Variants in STPG1 observed in about 807,000 individuals in gnomAD.
The protein encoded by STPG1 is sperm tail PG-rich repeat containing 1, also known as O(6)-methylguanine-induced apoptosis 2.
Under a neutral mutation model 40.1 loss-of-function variants are expected in STPG1, and 33 were observed. The ratio of observed to expected loss-of-function variants is 0.82; its 90% CI spans 0.62 to 1.10. The LOEUF (loss-of-function observed/expected upper bound fraction) is 1.10, where lower values mean the gene tolerates loss of function less well. Among genes scored for constraint, STPG1 ranks in the 50% least tolerant of loss-of-function variants. The pLI, the probability that STPG1 is intolerant of heterozygous loss-of-function variation, is 0.00. For synonymous variants in STPG1, 150 were observed against 155.0 expected (o/e 0.97, Z 0.24); for missense variants, 396 against 415.1 (o/e 0.95, Z 0.40).
chr1:24,369,720 A>G lies in STPG1; in HGVS notation c.691T>C (p.Tyr231His). The change falls in exon 7 of 9, where the codon TAC (tyrosine) becomes CAC (histidine). Residue 231 changes from tyrosine to histidine, a missense_variant. Transcript: ENST00000337248. ...LTSTGPGPGY[Y>H]NPSDCTKVPK... is the part of the protein sequence containing the mutation. ...ACTTTTGTGCAATCACTGGGGTTGT[A>G]ATAACCAGGTCCCGGGCCTGTTGAC... 1 of 1,610,850 alleles carries G rather than the reference A, an allele frequency of 6.2e-7. No homozygotes were observed. The highest frequency in any genetic ancestry group is 8.5e-7 in the Non-Finnish European group (1 of 1,177,634).
intron 2 of STPG1, among the ~76,000 whole-genome samples, chr1:24,392,492 C>T (rs1429066383): frequency 6.6e-6 from 1 of 152,190 alleles, no homozygotes; most frequent in East Asian, 1.9e-4. Context: ...GATGAGAAAG[C>T]CCAGAGCTCC....
rs1407847302 is a variant in STPG1 at position 24,378,633 on chromosome 1, A to C, written c.462+1020T>G. Reference sequence around the variant, plus strand: ...AGAGCAAGACTCCGTCTCAAAAAAAAGCTTGAATCCATCATAGAAGGTGGG... The same window carrying C: ...AGAGCAAGACTCCGTCTCAAAAAAACGCTTGAATCCATCATAGAAGGTGGG... On this transcript the variant is annotated intron_variant, in intron 5 of 8. Transcript: ENST00000337248. Among the ~76,000 whole-genome samples, 3 of 152,268 alleles carry C rather than the reference A, an allele frequency of 2.0e-5. 1 individual carries two copies. Among genetic ancestry groups the C allele is most frequent in the Non-Finnish European group, 4.4e-5 (3 of 68,048 alleles).
intron 6 of STPG1, among the ~76,000 whole-genome samples, chr1:24,370,147 T>C (rs1446028226): frequency 6.6e-6 from 1 of 152,200 alleles, no homozygotes; most frequent in Non-Finnish European, 1.5e-5. Flanking sequence ...GACATTCATC[T>C]AACCAGGGAC....
chr1:24,372,812 G>A (rs1420611823), intron 6 of STPG1, among the ~76,000 whole-genome samples: 1 of 152,160 alleles, frequency 6.6e-6, no homozygotes, highest in East Asian at 1.9e-4. Context: ...CTGCTTCTGG[G>A]GCCCAAGGTT....
chr1:24,378,891 C>T (rs1642154499), intron 5 of STPG1, among the ~76,000 whole-genome samples: 1 of 152,194 alleles, frequency 6.6e-6, no homozygotes. Flanking sequence ...CTGTGACTTA[C>T]TTACTTGCTT....
At position 24,360,962 on chromosome 1, in the gene STPG1, C is replaced by T; in HGVS notation, c.817G>A (p.Glu273Lys). 1 of 1,614,086 alleles carries T rather than the reference C, an allele frequency of 6.2e-7. No homozygotes were observed. Among genetic ancestry groups the T allele is most frequent in the Non-Finnish European group, 8.5e-7 (1 of 1,179,988 alleles). ...CGGGGGCCTAAGTAGTCCACGATCT[C>T]ATACTGACCAGGACCTGGGAAAGGT... is the stretch of plus-strand genomic sequence containing the variant. ...KPPFPGPGQY[E>K]IVDYLGPRKH... The change falls in exon 8 of 9, where the codon GAG becomes AAG. Residue 273 changes from glutamate (E) to lysine (K), a missense_variant. Transcript: ENST00000337248.
chr1:24,411,923 GT>G (rs1047241676), intron 1 of STPG1: 21 of 152,006 alleles, frequency 1.4e-4, no homozygotes, highest in African/African-American at 3.9e-4. Context: ...TTGCTAGAAA[GT>G]TCCTTCCTGT....
chr1:24,381,897 G>A (rs1027337133), intron 4 of STPG1, among the ~76,000 whole-genome samples: 3 of 152,232 alleles, frequency 2.0e-5, no homozygotes, highest in African/African-American at 7.2e-5. Context: ...ACACGGGAAT[G>A]AGGTAAAACG....
chr1:24,400,215 C>A (rs1643166939), intron 2 of STPG1, among the ~76,000 whole-genome samples: 1 of 152,026 alleles, frequency 6.6e-6, no homozygotes. Context: ...TAAGACAAAC[C>A]AACATGAAGT....
chr1:24,382,152 T>C (rs1285520071), intron 4 of STPG1, among the ~76,000 whole-genome samples: 1 of 152,170 alleles, frequency 6.6e-6, no homozygotes, highest in Non-Finnish European at 1.5e-5. Flanking sequence ...TTGGGCCCCT[T>C]CTCCTCCAGA....
chr1:24,371,665 C>T (rs1176865295), intron 6 of STPG1, among the ~76,000 whole-genome samples: 1 of 151,804 alleles, frequency 6.6e-6, no homozygotes, highest in Non-Finnish European at 1.5e-5. Context: ...ATTTACAATA[C>T]TGGATAACTA....
At chr1:24,389,202 T>G (rs1243776008) in intron 3 of STPG1, among the ~76,000 whole-genome samples, 1 of 152,156 alleles carries the variant, frequency 6.6e-6, no homozygotes, top group Non-Finnish European at 1.5e-5. Context: ...AATCATCTTT[T>G]AAAACACTAA....
In STPG1 at chr1:24,369,764, T is replaced by A. The variant is rs1212401997; in HGVS notation, c.647A>T (p.Asn216Ile). ...TGTTGACGTCAGTTTTAATCCACGG[T>A]TGGTTTTTGATTTAAAACAAGACAT... ...TLMSCFKSKT[N>I]RGLKLTSTGP... Residue 216 changes from asparagine (N) to isoleucine (I), a missense_variant, in exon 7 of 9, where the codon AAC becomes ATC. Coordinates refer to ENST00000337248, the MANE Select transcript of STPG1 (RefSeq NM_001199013.2). The A allele has an allele frequency of 6.2e-7, 1 of 1,613,430 alleles. No individual in the cohort carries two copies. The highest frequency in any genetic ancestry group is 8.5e-7 in the Non-Finnish European group (1 of 1,179,410).
At chr1:24,364,348 C>A (rs1641316228) in intron 7 of STPG1, 1 of 1,546,280 alleles carries the variant, frequency 6.5e-7, no homozygotes, top group East Asian at 2.5e-5. Context: ...CAACAGCCTG[C>A]ACTTCACTGT....
chr1:24,411,799 G>A (rs1400104968), intron 1 of STPG1: 1 of 152,118 alleles, frequency 6.6e-6, no homozygotes, highest in Non-Finnish European at 1.5e-5. Flanking sequence ...AGCAAATAAG[G>A]GATGGCTGGG....
intron 1 of STPG1, among the ~76,000 whole-genome samples, chr1:24,406,354 A>T (rs1317708651): frequency 6.6e-6 from 1 of 152,098 alleles, no homozygotes; most frequent in Non-Finnish European, 1.5e-5. Flanking sequence ...CTACTTTTGT[A>T]TACATTTTAT....
intron 2 of STPG1, 177 bp downstream of exon 2, chr1:24,401,140 TCA>T: frequency 2.1e-6 from 1 of 479,716 alleles, no homozygotes; most frequent in Middle Eastern, 4.6e-4. Flanking sequence ...TCCTTTCTTC[TCA>T]GTTTCTTCCC....
chr1:24,408,913 C>T (rs1643510543), intron 1 of STPG1, among the ~76,000 whole-genome samples: 1 of 151,930 alleles, frequency 6.6e-6, no homozygotes, highest in African/African-American at 2.4e-5. Context: ...CAATTTTCAA[C>T]TTTTTTTTGG....
rs1027397600 is a variant in STPG1, at chr1:24,358,263, G to T, written c.*280C>A. ...GTGCCGGAAGGCAGCCTGGATGGGTGCGTGGGGAAGCAGCCAGGGGGCTCT... is the reference window on the plus strand; with the variant it reads ...GTGCCGGAAGGCAGCCTGGATGGGTTCGTGGGGAAGCAGCCAGGGGGCTCT... On this transcript the variant is annotated 3_prime_UTR_variant, in exon 9 of 9. Coordinates refer to ENST00000337248, the MANE Select transcript of STPG1 (RefSeq NM_001199013.2). The T allele has an allele frequency of 6.3e-6, 4 of 634,160 alleles. No individual in the cohort carries two copies. In the Admixed American group the frequency reaches 8.4e-5, roughly 13 times the overall value. The allele number at this position is 634,160 out of a possible 1,614,324, so 39.3% of individuals were successfully genotyped here. A position where few individuals can be genotyped will look rare whatever the true frequency, so the allele number is the denominator to read the frequency against.
Sources: allele counts gnomAD v4.1 joint callset (sites outside exome capture counted in the v4.1 genomes callset), GRCh38; gene constraint gnomAD v4.1.1; transcripts MANE v1.5; gene names NCBI Gene and HGNC (gene_info 2026-07-23, HGNC 2026-07-21).